Variants in ZFHX3 observed in about 807,000 individuals in gnomAD.
The protein encoded by ZFHX3 is zinc finger homeobox 3, also known as zinc finger homeobox protein 3.
A neutral mutation model predicts 279.1 loss-of-function variants in ZFHX3; 42 were observed. The ratio of observed to expected loss-of-function variants is 0.15; its 90% CI spans 0.12 to 0.19. The LOEUF (loss-of-function observed/expected upper bound fraction) is 0.19, where lower values mean the gene tolerates loss of function less well. Among genes scored for constraint, ZFHX3 ranks in the 10% least tolerant of loss-of-function variants. The pLI, the probability that ZFHX3 is intolerant of heterozygous loss-of-function variation, is 1.00. For synonymous variants in ZFHX3, 2,293 were observed against 1,957.8 expected (o/e 1.17, Z -4.52); for missense variants, 4,981 against 4,754.0 (o/e 1.05, Z -1.40).
chr16:72,820,533 C>T (rs2036761991), intron 5 of ZFHX3, among the ~76,000 whole-genome samples: 1 of 152,152 alleles, frequency 6.6e-6, no homozygotes, highest in South Asian at 2.1e-4. Flanking sequence ...CCGGCTCATG[C>T]CAGGATTTGG....
chr16:73,788,064 C>T (rs1959707702), intron 1 of ZFHX3, among the ~76,000 whole-genome samples: 1 of 152,070 alleles, frequency 6.6e-6, no homozygotes, highest in African/African-American at 2.4e-5. Flanking sequence ...TAAAAAACAA[C>T]ATGGTGCCCT....
intron 7 of ZFHX3, among the ~76,000 whole-genome samples, chr16:73,115,624 T>A (rs906191692): frequency 2.0e-5 from 3 of 152,062 alleles, no homozygotes; most frequent in Admixed American, 6.6e-5. Context: ...TAGAACCAGA[T>A]AGCAACTTTT....
intron 3 of ZFHX3, among the ~76,000 whole-genome samples, chr16:73,362,696 G>T (rs1006581825): frequency 6.6e-6 from 1 of 152,250 alleles, no homozygotes; most frequent in Non-Finnish European, 1.5e-5. Flanking sequence ...CCAGCCAGTG[G>T]CACTGTCCTC....
Position 73,543,342 on chromosome 16 carries a change from T to G in ZFHX3, c.-1546-87084A>C, listed in dbSNP as rs185840412. 5.0e-3 allele frequency among the ~76,000 whole-genome samples: 759 copies of G among 152,320 alleles called. 9 individuals carry two copies. The highest frequency in any genetic ancestry group is 0.017 in the African/African-American group (725 of 41,560). On this transcript the variant is annotated intron_variant, in intron 2 of 17. Transcript: ENST00000641206. The stretch of plus-strand genomic sequence containing the variant: ...TATGCACTTTCTTCCAGTACTCAAC[T>G]TGCCAGGCCTACAATTATATGGAAC...
chr16:73,427,032 A>G (rs1046310416), intron 3 of ZFHX3, among the ~76,000 whole-genome samples: 1 of 152,164 alleles, frequency 6.6e-6, no homozygotes, highest in Non-Finnish European at 1.5e-5. Context: ...CAGCTCAGCC[A>G]TGATTCATGG....
chr16:73,702,306 C>T (rs2053256133), intron 1 of ZFHX3, among the ~76,000 whole-genome samples: 1 of 152,018 alleles, frequency 6.6e-6, no homozygotes, highest in African/African-American at 2.4e-5. Flanking sequence ...AAGGGGCTGC[C>T]TGGGGGCTGC....
chr16:73,636,513 C>T (rs1319140992), intron 2 of ZFHX3, among the ~76,000 whole-genome samples: 2 of 152,058 alleles, frequency 1.3e-5, no homozygotes, highest in South Asian at 2.1e-4. Flanking sequence ...TAAAACATCA[C>T]AAAATGAACT....
chr16:73,017,299 C>T (rs1459556561), intron 1 of ZFHX3, among the ~76,000 whole-genome samples: 2 of 151,326 alleles, frequency 1.3e-5, no homozygotes, highest in Non-Finnish European at 2.9e-5. Context: ...GTTCCCAAGA[C>T]GTGATGGGAA....
intron 6 of ZFHX3, among the ~76,000 whole-genome samples, chr16:73,136,022 T>C (rs1221613183): frequency 6.6e-6 from 1 of 152,164 alleles, no homozygotes; most frequent in Non-Finnish European, 1.5e-5. Flanking sequence ...CATGCCCAGC[T>C]AATTTTTGTA....
chr16:73,148,774 C>G (rs1966881195), intron 5 of ZFHX3, among the ~76,000 whole-genome samples: 2 of 151,268 alleles, frequency 1.3e-5, no homozygotes, highest in Admixed American at 6.6e-5. Context: ...TGGAGAAACC[C>G]TGTTTCTAAT....
At chr16:73,704,003 T>C (rs1347453001) in intron 1 of ZFHX3, among the ~76,000 whole-genome samples, 1 of 152,148 alleles carries the variant, frequency 6.6e-6, no homozygotes. Context: ...TAACATCAGA[T>C]TGCAAAGTGT....
At chr16:73,607,445 A>G (rs1009405333) in intron 2 of ZFHX3, among the ~76,000 whole-genome samples, 3 of 152,262 alleles carry the variant, frequency 2.0e-5, no homozygotes, top group Admixed American at 2.0e-4. Context: ...ATTCTATTAT[A>G]AAGATACCTG....
At chr16:73,736,895 A>G (rs2053614339) in intron 1 of ZFHX3, among the ~76,000 whole-genome samples, 1 of 152,236 alleles carries the variant, frequency 6.6e-6, no homozygotes. Context: ...TGTGTGTATC[A>G]ACATATGCTT....
At chr16:73,042,256 A>G (rs1455737422) in intron 1 of ZFHX3, among the ~76,000 whole-genome samples, 1 of 152,098 alleles carries the variant, frequency 6.6e-6, no homozygotes, top group East Asian at 1.9e-4. Flanking sequence ...GCACTCGGCT[A>G]ATCTGCCTCC....
At chr16:72,990,755 T>C (rs986915556) in intron 1 of ZFHX3, among the ~76,000 whole-genome samples, 1 of 152,016 alleles carries the variant, frequency 6.6e-6, no homozygotes, top group Non-Finnish European at 1.5e-5. Flanking sequence ...CCGAGGCAGG[T>C]GGATCACTCG....
intron 7 of ZFHX3, among the ~76,000 whole-genome samples, chr16:73,095,603 C>T (rs562242643): frequency 4.6e-5 from 7 of 152,300 alleles, no homozygotes; most frequent in South Asian, 2.1e-4. Flanking sequence ...TCAGACCTTA[C>T]GTGAAAGTAC....
At chr16:73,150,479 T>A (rs1436910453) in intron 5 of ZFHX3, among the ~76,000 whole-genome samples, 1 of 152,180 alleles carries the variant, frequency 6.6e-6, no homozygotes, top group Non-Finnish European at 1.5e-5. Context: ...GTTTTGCATA[T>A]CAAATAAAAT....
intron 5 of ZFHX3, among the ~76,000 whole-genome samples, chr16:73,237,838 C>T (rs1453007391): frequency 1.3e-5 from 2 of 152,126 alleles, no homozygotes; most frequent in Non-Finnish European, 1.5e-5. Flanking sequence ...AGGCAGAAGC[C>T]ATCCTTAACT....
At chr16:73,620,263 A>T (rs962235512) in intron 2 of ZFHX3, among the ~76,000 whole-genome samples, 1 of 152,266 alleles carries the variant, frequency 6.6e-6, no homozygotes, top group African/African-American at 2.4e-5. Flanking sequence ...CAAAAGCACC[A>T]GTGTAATAGT....
Sources: allele counts gnomAD v4.1 joint callset (sites outside exome capture counted in the v4.1 genomes callset), GRCh38; gene constraint gnomAD v4.1.1; transcripts MANE v1.5; gene names NCBI Gene and HGNC (gene_info 2026-07-23, HGNC 2026-07-21).